The following GRAMD2B variants were observed in gnomAD, a reference collection of about 807,000 sequenced individuals.
GRAMD2B encodes the protein GRAM domain containing 2B, also known as GRAM domain-containing protein 2B.
Under a neutral mutation model 59.2 loss-of-function variants are expected in GRAMD2B, and 41 were observed. The observed-to-expected ratio is 0.69, with a 90% CI of 0.54 to 0.90. The LOEUF is 0.90. GRAMD2B is among the 40% of genes least tolerant of loss of function. GRAMD2B has a pLI of 0.00. For synonymous variants in GRAMD2B, 161 were observed against 182.7 expected, an observed-to-expected ratio of 0.88 and a Z score of 0.96; for missense variants, 424 against 500.5, an observed-to-expected ratio of 0.85 and a Z score of 1.46.
chr5:126,463,654 A>C (rs1187610643), intron 1 of GRAMD2B, among the ~76,000 whole-genome samples: 1 of 152,210 alleles, frequency 6.6e-6, no homozygotes, highest in East Asian at 1.9e-4. Flanking sequence ...TTGAAGAAAT[A>C]GAAGGTTGGA....
intron 1 of GRAMD2B, among the ~76,000 whole-genome samples, chr5:126,396,352 C>T (rs1438781654): frequency 2.0e-5 from 3 of 151,984 alleles, no homozygotes; most frequent in Admixed American, 1.3e-4. Context: ...CAATAAGCCC[C>T]GGTGTGTGTG....
At chr5:126,415,790 G>A (rs1018060856) in intron 1 of GRAMD2B, among the ~76,000 whole-genome samples, 4 of 151,856 alleles carry the variant, frequency 2.6e-5, no homozygotes, top group African/African-American at 7.3e-5. Flanking sequence ...AAAAGATAAC[G>A]AAATGCTGTA....
At chr5:126,363,913 A>T (rs1195931401) in intron 1 of GRAMD2B, among the ~76,000 whole-genome samples, 1 of 152,204 alleles carries the variant, frequency 6.6e-6, no homozygotes, top group East Asian at 1.9e-4. Context: ...TGATGGTTGC[A>T]CAATTCTGTA....
At chr5:126,441,558 C>A (rs1763298676) in intron 1 of GRAMD2B, among the ~76,000 whole-genome samples, 1 of 152,228 alleles carries the variant, frequency 6.6e-6, no homozygotes, top group South Asian at 2.1e-4. Flanking sequence ...GGCTTCCAGC[C>A]TTTCTCCTCT....
At chr5:126,382,093 C>T (rs776748186) in intron 1 of GRAMD2B, among the ~76,000 whole-genome samples, 1 of 152,064 alleles carries the variant, frequency 6.6e-6, no homozygotes, top group Non-Finnish European at 1.5e-5. Context: ...ATTAGGTTAC[C>T]TGATGCTTTT....
At chr5:126,402,123 G>T (rs551760555) in intron 1 of GRAMD2B, among the ~76,000 whole-genome samples, 2 of 152,050 alleles carry the variant, frequency 1.3e-5, no homozygotes, top group Non-Finnish European at 2.9e-5. Context: ...CCTCCATCCT[G>T]TTCTAGTATC....
upstream of GRAMD2B, among the ~76,000 whole-genome samples, chr5:126,421,517 C>T (rs1759726882): frequency 6.6e-6 from 1 of 152,156 alleles, no homozygotes; most frequent in African/African-American, 2.4e-5. Context: ...AGAGTTTTCC[C>T]CATCCCACCT....
intron 1 of GRAMD2B, among the ~76,000 whole-genome samples, chr5:126,408,519 G>C (rs1166926018): frequency 6.6e-6 from 1 of 151,134 alleles, no homozygotes; most frequent in East Asian, 2.0e-4. Context: ...TTGTTTGGTT[G>C]GTTGTTTTTT....
intron 1 of GRAMD2B, among the ~76,000 whole-genome samples, chr5:126,430,966 C>A (rs991189102): frequency 3.3e-5 from 5 of 152,172 alleles, no homozygotes; most frequent in African/African-American, 1.2e-4. Context: ...GGAACATAAT[C>A]TTCCCATATG....
intron 10 of GRAMD2B, among the ~76,000 whole-genome samples, chr5:126,484,728 C>T (rs529318040): frequency 4.5e-4 from 68 of 152,134 alleles, no homozygotes; most frequent in Non-Finnish European, 4.3e-4. Flanking sequence ...GGATTACAGA[C>T]GCATGCCACA....
In GRAMD2B at chr5:126,486,924, T is replaced by C; in HGVS notation, c.1110T>C (p.Thr370=). Residue 370 remains threonine (T), a synonymous_variant, in exon 12 of 14, where the codon ACT becomes ACC. Coordinates refer to ENST00000285689, the MANE Select transcript of GRAMD2B (RefSeq NM_023927.4). ...TCTACATGAGATACAGAATTAATAC[T>C]CTGGAGGAGCAGCTGGGGTTACTAA... ...STFYMRYRIN[T]LEEQLGLLTS... The C allele has an allele frequency of 6.2e-7, 1 of 1,612,658 alleles. No individual in the cohort carries two copies. Among genetic ancestry groups the C allele is most frequent in the Non-Finnish European group, 8.5e-7 (1 of 1,178,950 alleles).
At chr5:126,403,826 T>C (rs2149743490) in intron 1 of GRAMD2B, among the ~76,000 whole-genome samples, 1 of 152,004 alleles carries the variant, frequency 6.6e-6, no homozygotes, top group East Asian at 1.9e-4. Flanking sequence ...ATACATATAA[T>C]TATCCCCCAA....
chr5:126,462,002 C>T (rs1684196468), intron 1 of GRAMD2B, among the ~76,000 whole-genome samples: 1 of 152,124 alleles, frequency 6.6e-6, no homozygotes, highest in Non-Finnish European at 1.5e-5. Context: ...TCCTGTGTCT[C>T]CAGCATTTTC....
At chr5:126,392,242 G>T (rs1431197140) in intron 1 of GRAMD2B, among the ~76,000 whole-genome samples, 1 of 152,154 alleles carries the variant, frequency 6.6e-6, no homozygotes, top group African/African-American at 2.4e-5. Flanking sequence ...TCACTAGAAG[G>T]ACTCATAGAA....
intron 1 of GRAMD2B, among the ~76,000 whole-genome samples, chr5:126,440,930 A>G (rs10059352): frequency 0.097 from 14,769 of 152,162 alleles, 1,643 homozygotes; most frequent in African/African-American, 0.27. Context: ...ATTGCATAAA[A>G]CATGTATAAA....
intron 1 of GRAMD2B, among the ~76,000 whole-genome samples, chr5:126,453,472 A>C (rs1450687565): frequency 2.6e-5 from 4 of 152,180 alleles, no homozygotes; most frequent in African/African-American, 9.7e-5. Context: ...TAGGAAGTTT[A>C]TTATGCAATG....
In GRAMD2B at chr5:126,483,035, T is replaced by TA. The variant is rs1657153525; in HGVS notation, c.736-421dup. Among the ~76,000 whole-genome samples the TA allele has an allele frequency of 2.0e-5, 3 of 151,172 alleles. No individual in the cohort carries two copies. In the South Asian group the frequency reaches 6.3e-4, roughly 32 times the overall value. On this transcript the variant is annotated intron_variant, in intron 8 of 13. Transcript: ENST00000285689. ...TCCTTTTCTGTTTCCAATACTTTTT[T>TA]AAAAAAATTATAAGTTAGTAATATC...
Position 126,465,662 on chromosome 5 carries a change from A to G in GRAMD2B, c.203+117A>G, listed in dbSNP as rs1272260085. 8.0e-6 allele frequency: 7 copies of G among 870,756 alleles called. No individual in the cohort carries two copies. The African/African-American group carries it at 1.2e-4, about 15-fold the overall frequency. 53.9% of individuals were successfully genotyped at this position (870,756 alleles called of 1,614,324 possible). A position where few individuals can be genotyped will look rare whatever the true frequency, so the allele number is the denominator to read the frequency against. On this transcript the variant is annotated intron_variant, in intron 2 of 13. Transcript: ENST00000285689. The stretch of plus-strand genomic sequence containing the variant: ...TGTATTAATACTATAGACAAATAAT[A>G]CTCCTGAGAAAGAATGAGCATTTTT...
chr5:126,401,022 G>T (rs916577719), intron 1 of GRAMD2B, among the ~76,000 whole-genome samples: 1 of 152,054 alleles, frequency 6.6e-6, no homozygotes, highest in African/African-American at 2.4e-5. Context: ...TTAAAAATAA[G>T]CTTTCTTCCC....
Sources: allele counts gnomAD v4.1 joint callset (sites outside exome capture counted in the v4.1 genomes callset), GRCh38; gene constraint gnomAD v4.1.1; transcripts MANE v1.5; gene names NCBI Gene and HGNC (gene_info 2026-07-23, HGNC 2026-07-21).